RPS6KA3: variants seen among roughly 807,000 people sequenced by gnomAD.
RPS6KA3 encodes the protein ribosomal protein S6 kinase alpha-3.
A neutral mutation model predicts 67.2 loss-of-function variants in RPS6KA3; 4 were observed. The observed-to-expected ratio is 0.06, with a 90% CI of 0.03 to 0.14. The LOEUF is 0.14. RPS6KA3 is among the 10% of genes least tolerant of loss of function. The probability of loss-of-function intolerance (pLI) is 1.00; values close to 1 mark genes in which losing one functional copy is unlikely to be tolerated. For missense variants in RPS6KA3, 204 were observed against 559.0 expected, an observed-to-expected ratio of 0.36 and a Z score of 6.40; for synonymous variants, 182 against 183.7, an observed-to-expected ratio of 0.99 and a Z score of 0.07.
chrX:20,242,552 C>T (rs1365287482), intron 1 of RPS6KA3, among the ~76,000 whole-genome samples: 1 of 111,287 alleles, frequency 9.0e-6, no homozygotes, highest in Non-Finnish European at 1.9e-5. Context: ...TTCTATATTT[C>T]ATAAGCTCCT....
chrX:20,262,861 A>G (rs2070271316), intron 1 of RPS6KA3, among the ~76,000 whole-genome samples: 1 of 111,971 alleles, frequency 8.9e-6, no homozygotes, highest in Non-Finnish European at 1.9e-5. Context: ...TATAATATTG[A>G]TATAGTAGAA....
intron 2 of RPS6KA3, among the ~76,000 whole-genome samples, chrX:20,216,050 G>T (rs2068841126): frequency 8.9e-6 from 1 of 112,015 alleles, no homozygotes. Flanking sequence ...ATTATTCTGT[G>T]AGGCTCACAT....
At chrX:20,159,261 A>T (rs2067254334) in intron 20 of RPS6KA3, among the ~76,000 whole-genome samples, 1 of 112,270 alleles carries the variant, frequency 8.9e-6, no homozygotes, top group African/African-American at 3.2e-5. Context: ...TGTCCCTAAT[A>T]TTAGGTCAGT....
chrX:20,221,156 T>C (rs899624080), intron 2 of RPS6KA3, among the ~76,000 whole-genome samples: 29 of 111,726 alleles, frequency 2.6e-4, no homozygotes, highest in African/African-American at 9.4e-4. Context: ...GCCAGATTAA[T>C]CTTGAGATTA....
chrX:20,251,639 AAACAT>A (rs1468345212), intron 1 of RPS6KA3, among the ~76,000 whole-genome samples: 9 of 113,216 alleles, frequency 7.9e-5, no homozygotes, highest in Admixed American at 3.7e-4. Flanking sequence ...AATTGTCATA[AAACAT>A]AACATAAAAT....
intron 2 of RPS6KA3, among the ~76,000 whole-genome samples, chrX:20,226,016 T>C (rs1268323099): frequency 9.1e-6 from 1 of 110,195 alleles, no homozygotes; most frequent in Non-Finnish European, 1.9e-5. Context: ...TAAAACCCCA[T>C]CTCTAAAATA....
At chrX:20,260,271 A>G (rs1251701223) in intron 1 of RPS6KA3, among the ~76,000 whole-genome samples, 6 of 111,849 alleles carry the variant, frequency 5.4e-5, no homozygotes, top group African/African-American at 1.9e-4. Context: ...AGAATACACT[A>G]TATTTCATTG....
At chrX:20,162,884 CA>C (rs1022722128) in intron 19 of RPS6KA3, 79 bp downstream of exon 19, 26 of 725,452 alleles carry the variant, frequency 3.6e-5, no homozygotes, top group Middle Eastern at 2.9e-4. Flanking sequence ...AAACCCCAAA[CA>C]AAACAAAAAC....
At chrX:20,195,219 C>T (rs936290250) in intron 4 of RPS6KA3, 74 bp from the exon 5 acceptor site, 24 of 673,004 alleles carry the variant, frequency 3.6e-5, no homozygotes, top group African/African-American at 2.0e-4. Flanking sequence ...CTTTTTGGTG[C>T]CCATGTTAAA....
intron 4 of RPS6KA3, among the ~76,000 whole-genome samples, chrX:20,196,805 G>A (rs1011949742): frequency 9.0e-6 from 1 of 111,657 alleles, no homozygotes; most frequent in African/African-American, 3.3e-5. Context: ...TACCTTGCCC[G>A]ATCGCTACAA....
rs368502916 is a variant in RPS6KA3, at chrX:20,160,494, T to A, written c.1959+1150A>T. Among the ~76,000 whole-genome samples the A allele has an allele frequency of 3.6e-5, 4 of 111,555 alleles. No homozygotes were observed. In the East Asian group the frequency reaches 1.1e-3, roughly 31 times the overall value. On this transcript the variant is annotated intron_variant, in intron 20 of 21. Coordinates refer to ENST00000379565, the MANE Select transcript of RPS6KA3 (RefSeq NM_004586.3). The stretch of plus-strand genomic sequence containing the variant: ...CAGGCTGGAGTGCAGGGGTGCACTC[T>A]TGGGTCACTGCAACCTCCGCCTCCC...
intron 2 of RPS6KA3, among the ~76,000 whole-genome samples, chrX:20,232,621 G>A (rs758941359): frequency 4.5e-5 from 5 of 110,453 alleles, no homozygotes; most frequent in African/African-American, 9.9e-5. Context: ...AAAAACTTCC[G>A]TACATACTAC....
chrX:20,174,835 A>G lies in RPS6KA3; in HGVS notation c.1227+329T>C, dbSNP rs552581301. Among the ~76,000 whole-genome samples, 165 of 111,377 alleles carry G rather than the reference A, an allele frequency of 1.5e-3. 1 individual carries two copies. Among genetic ancestry groups the G allele is most frequent in the African/African-American group, 5.1e-3 (157 of 30,684 alleles). On this transcript the variant is annotated intron_variant, in intron 14 of 21. Coordinates refer to ENST00000379565, the MANE Select transcript of RPS6KA3 (RefSeq NM_004586.3). ...AGTGGTGCGATCTCCGCTCACTGCA[A>G]CCTCTGCCTCAGAATCAAGTGATTC... is the stretch of plus-strand genomic sequence containing the variant.
At chrX:20,260,182 TA>T (rs1209184700) in intron 1 of RPS6KA3, among the ~76,000 whole-genome samples, 3 of 111,970 alleles carry the variant, frequency 2.7e-5, no homozygotes, top group Non-Finnish European at 5.7e-5. Context: ...GAAAGAAAGT[TA>T]AAATTCTACC....
At chrX:20,230,332 T>C (rs1751961856) in intron 2 of RPS6KA3, among the ~76,000 whole-genome samples, 1 of 111,805 alleles carries the variant, frequency 8.9e-6, no homozygotes, top group African/African-American at 3.3e-5. Context: ...ATTTAAGGTA[T>C]GCATAGGCTC....
chrX:20,198,078 G>T (rs1046759135), intron 4 of RPS6KA3, among the ~76,000 whole-genome samples: 3 of 112,134 alleles, frequency 2.7e-5, no homozygotes, highest in African/African-American at 9.7e-5. Context: ...TTATTGACTT[G>T]TATTTGACCC....
At chrX:20,233,110 T>C (rs2069317242) in intron 2 of RPS6KA3, among the ~76,000 whole-genome samples, 1 of 111,240 alleles carries the variant, frequency 9.0e-6, no homozygotes, top group African/African-American at 3.3e-5. Context: ...CACTCCAGCC[T>C]GAGCAGCAGA....
intron 3 of RPS6KA3, among the ~76,000 whole-genome samples, chrX:20,206,617 AG>A (rs2068578392): frequency 8.9e-6 from 1 of 112,274 alleles, no homozygotes; most frequent in African/African-American, 3.2e-5. Flanking sequence ...CATTTAGTCT[AG>A]TGGGGGAGAC....
intron 2 of RPS6KA3, chrX:20,218,815 A>C: frequency 8.4e-7 from 1 of 1,193,844 alleles, no homozygotes; most frequent in Non-Finnish European, 1.1e-6. Flanking sequence ...TAGAGCGAAC[A>C]CGAAAAGACA....
Sources: allele counts gnomAD v4.1 joint callset (sites outside exome capture counted in the v4.1 genomes callset), GRCh38; gene constraint gnomAD v4.1.1; transcripts MANE v1.5; gene names NCBI Gene and HGNC (gene_info 2026-07-23, HGNC 2026-07-21).